HCFC1R1: variants seen among roughly 807,000 people sequenced by gnomAD.
The protein encoded by HCFC1R1 is host cell factor C1 regulator 1.
HCFC1R1 carries 17 observed loss-of-function variants against 13.3 expected under a neutral mutation model. The ratio of observed to expected loss-of-function variants is 1.28; its 90% CI spans 0.87 to 1.91. The LOEUF is 1.91. Ranked by LOEUF, HCFC1R1 falls within the 40% of genes most tolerant of loss-of-function variation. HCFC1R1 has a pLI of 0.00. For synonymous variants in HCFC1R1, 87 were observed against 71.1 expected, an observed-to-expected ratio of 1.22 and a Z score of -1.12; for missense variants, 218 against 177.9, an observed-to-expected ratio of 1.23 and a Z score of -1.28.
Position 3,022,827 on chromosome 16 carries a change from A to G in HCFC1R1, c.*36T>C. 6.8e-7 allele frequency: 1 copy of G among 1,462,168 alleles called. No individual in the cohort carries two copies. The highest frequency in any genetic ancestry group is 9.0e-7 in the Non-Finnish European group (1 of 1,112,644). The allele number at this position is 1,462,168 out of a possible 1,614,324, so 90.6% of individuals were successfully genotyped here. On this transcript the variant is annotated 3_prime_UTR_variant, in exon 4 of 4. Coordinates refer to ENST00000248089, the MANE Select transcript of HCFC1R1 (RefSeq NM_017885.4). ...GTCGCTGGTCTCTTCTGTTGTGGGG[A>G]AGAAGGAAGGTGGGAGGGGCACTGT...
upstream of HCFC1R1, chr16:3,023,985 G>T: frequency 7.1e-7 from 1 of 1,409,678 alleles, no homozygotes; most frequent in South Asian, 1.3e-5. Flanking sequence ...GACAGGGGAG[G>T]AGTCTCTGAG....
intron 2 of HCFC1R1, 29 bp from the exon 3 acceptor site, chr16:3,023,390 G>C: frequency 6.2e-7 from 1 of 1,613,230 alleles, no homozygotes; most frequent in Non-Finnish European, 8.5e-7. Context: ...GAGGCAGGCT[G>C]GGATACTGAC....
chr16:3,023,688 G>A, intron 1 of HCFC1R1, 158 bp from the exon 2 acceptor site: 1 of 1,074,852 alleles, frequency 9.3e-7, no homozygotes, highest in South Asian at 1.5e-5. Flanking sequence ...GGGTACCTCG[G>A]AAGTCTCGAC....
chr16:3,024,000 T>C (rs1596473916), upstream of HCFC1R1: 1 of 1,304,368 alleles, frequency 7.7e-7, no homozygotes, highest in Non-Finnish European at 1.1e-6. Context: ...TCTGAGGGCG[T>C]GGCCAAGAGA....
At chr16:3,024,042 C>A, upstream of HCFC1R1, 4 of 979,170 alleles carry the variant, frequency 4.1e-6, no homozygotes, top group Non-Finnish European at 5.9e-6. Context: ...GGCACAGCCG[C>A]GAGGTTCTGC....
In HCFC1R1 at chr16:3,022,955, G is replaced by A. The variant is rs374229363; in HGVS notation, c.325C>T (p.Leu109Phe). 6.3e-7 allele frequency: 1 copy of A among 1,587,414 alleles called. No individual in the cohort carries two copies. The highest frequency in any genetic ancestry group is 8.5e-7 in the Non-Finnish European group (1 of 1,172,246). Residue 109 changes from leucine to phenylalanine, a missense_variant, in exon 4 of 4, where the codon CTC becomes TTC. Physicochemically the swap from Leu to Phe is conservative, Grantham distance 22 (BLOSUM62 0). Transcript: ENST00000248089. ...ELLLWRYPGSLIPEALRLLRL... is the reference protein window; with the variant it reads ...ELLLWRYPGSFIPEALRLLRL... ...AGCAGACGGAGGGCCTCAGGGATGAGGCTGCCAGGATAGCGCCAGAGAAGC... is the reference window on the plus strand; with the variant it reads ...AGCAGACGGAGGGCCTCAGGGATGAAGCTGCCAGGATAGCGCCAGAGAAGC...
At position 3,023,687 on chromosome 16, in the gene HCFC1R1, G is replaced by C. The variant is rs998445479; in HGVS notation, c.96-157C>G. On this transcript the variant is annotated intron_variant, in intron 1 of 3. Transcript: ENST00000248089. ...CCTGGACCATCCAGCAGGGTACCTC[G>C]GAAGTCTCGACCCTCAGCCGCAGCC... 5 of 1,074,694 alleles carry C rather than the reference G, an allele frequency of 4.7e-6. No individual in the cohort carries two copies. In the African/African-American group the frequency reaches 7.9e-5, roughly 17 times the overall value. 66.6% of individuals were successfully genotyped at this position (1,074,694 alleles called of 1,614,324 possible). A position where few individuals can be genotyped will look rare whatever the true frequency, so the allele number is the denominator to read the frequency against.
In HCFC1R1 at chr16:3,022,910, T is replaced by C; in HGVS notation, c.370A>G (p.Ser124Gly). ...LRLLRLGDTP[S>G]PPYPATPAGD... ...GCTGGGGTTGCAGGGTAGGGGGGAC[T>C]GGGGGTGTCCCCCAGCCTCAGCAGA... The change falls in exon 4 of 4, where the codon AGT (serine) becomes GGT (glycine). Residue 124 changes from serine (S) to glycine (G), a missense_variant. Ser to Gly is a moderately conservative substitution (Grantham distance 56, BLOSUM62 0). Transcript: ENST00000248089. 6.5e-7 allele frequency: 1 copy of C among 1,536,082 alleles called. No individual in the cohort carries two copies. The highest frequency in any genetic ancestry group is 8.7e-7 in the Non-Finnish European group (1 of 1,148,658).
rs201494818 is a variant in HCFC1R1 at position 3,023,424 on chromosome 16, C to T, written c.152+50G>A. Reference sequence around the variant, plus strand: ...ACACAGGAGGCAGCCTGTTGGGGACCAGAGGTGACAGAGATCTTGTTGGGA... The same window carrying T: ...ACACAGGAGGCAGCCTGTTGGGGACTAGAGGTGACAGAGATCTTGTTGGGA... On this transcript the variant is annotated intron_variant, in intron 2 of 3. Transcript: ENST00000248089. 81 of 1,613,882 alleles carry T rather than the reference C, an allele frequency of 5.0e-5. No individual in the cohort carries two copies. In the Middle Eastern group the frequency reaches 1.2e-3, roughly 23 times the overall value.
upstream of HCFC1R1, chr16:3,024,004 CAA>C (rs954152007): frequency 2.5e-5 from 32 of 1,274,376 alleles, no homozygotes; most frequent in Non-Finnish European, 3.3e-5. Context: ...AGGGCGTGGC[CAA>C]GAGAGGATGG....
In HCFC1R1 at chr16:3,022,702, C is replaced by T; in HGVS notation, c.*161G>A. 1 of 516,582 alleles carries T rather than the reference C, an allele frequency of 1.9e-6. No homozygotes were observed. The highest frequency in any genetic ancestry group is 3.2e-6 in the Non-Finnish European group (1 of 308,002). The allele number at this position is 516,582 out of a possible 1,614,324, so 32.0% of individuals were successfully genotyped here. A position where few individuals can be genotyped will look rare whatever the true frequency, so the allele number is the denominator to read the frequency against. ...CTTCCCATGCTCCCACCCCTCCCAT[C>T]CCAGAACTCCGTTGGGCTCAGTGTC... is the stretch of plus-strand genomic sequence containing the variant. On this transcript the variant is annotated 3_prime_UTR_variant, in exon 4 of 4. Transcript: ENST00000248089.
In HCFC1R1 at chr16:3,022,879, TC is replaced by T; in HGVS notation, c.400del (p.Asp134ThrfsTer2). 1 of 1,521,362 alleles carries T rather than the reference TC, an allele frequency of 6.6e-7. No homozygotes were observed. Among genetic ancestry groups the T allele is most frequent in the Non-Finnish European group, 8.7e-7 (1 of 1,145,818 alleles). 94.2% of individuals were successfully genotyped at this position (1,521,362 alleles called of 1,614,324 possible). A position where few individuals can be genotyped will look rare whatever the true frequency, so the allele number is the denominator to read the frequency against. On this transcript the variant is annotated frameshift_variant, in exon 4 of 4. Coordinates refer to ENST00000248089, the MANE Select transcript of HCFC1R1 (RefSeq NM_017885.4). LOFTEE classifies it high-confidence loss of function. ...CACCAGCACTCAGAGCTCCATTATGTCCCCAGCTGGGGTTGCAGGGTAGGGG... is the reference window on the plus strand; with the variant it reads ...CACCAGCACTCAGAGCTCCATTATGTCCCAGCTGGGGTTGCAGGGTAGGGG... ...SPPYPATPAG[D>X]IMEL
chr16:3,022,762 T>A lies in HCFC1R1; in HGVS notation c.*101A>T, dbSNP rs2072637799. 9.0e-6 allele frequency: 10 copies of A among 1,108,888 alleles called. No homozygotes were observed. The highest frequency in any genetic ancestry group is 1.1e-5 in the Non-Finnish European group (9 of 823,994). The allele number at this position is 1,108,888 out of a possible 1,614,324, so 68.7% of individuals were successfully genotyped here. Reference sequence around the variant, plus strand: ...GGGAAGGTCTTGGTGCCCAGATGCCTACTCTGCAGGAGAGGGAGGAACCTT... The same window carrying A: ...GGGAAGGTCTTGGTGCCCAGATGCCAACTCTGCAGGAGAGGGAGGAACCTT... On this transcript the variant is annotated 3_prime_UTR_variant, in exon 4 of 4. Coordinates refer to ENST00000248089, the MANE Select transcript of HCFC1R1 (RefSeq NM_017885.4).
Position 3,023,854 on chromosome 16 carries a change from C to T in HCFC1R1, c.88G>A (p.Asp30Asn). The T allele has an allele frequency of 2.6e-6, 4 of 1,544,732 alleles. No homozygotes were observed. The highest frequency in any genetic ancestry group is 3.5e-6 in the Non-Finnish European group (4 of 1,150,600). The change falls in exon 1 of 4, where the codon GAC becomes AAC. Residue 30 changes from aspartate to asparagine, a missense_variant. Physicochemically the swap from Asp to Asn is conservative, Grantham distance 23. Transcript: ENST00000248089. ...CTGGTCCCCTACACGCACCTGGCGTCCAGGCCCCAAGTCACCCCCAAGGCG... is the reference window on the plus strand; with the variant it reads ...CTGGTCCCCTACACGCACCTGGCGTTCAGGCCCCAAGTCACCCCCAAGGCG... ...RAALGVTWGL[D>N]ASSPLRGAVP...
chr16:3,024,162 G>T (rs2072715570), upstream of HCFC1R1: 7 of 806,382 alleles, frequency 8.7e-6, no homozygotes, highest in East Asian at 1.9e-4. Flanking sequence ...TTAATGTCGG[G>T]GGTCTTCGCG....
Position 3,023,896 on chromosome 16 carries a change from G to T in HCFC1R1, c.46C>A (p.Gln16Lys). 6.4e-7 allele frequency: 1 copy of T among 1,557,858 alleles called. No homozygotes were observed. The highest frequency in any genetic ancestry group is 8.7e-7 in the Non-Finnish European group (1 of 1,155,490). Residue 16 changes from glutamine to lysine, a missense_variant, in exon 1 of 4, where the codon CAG becomes AAG. Coordinates refer to ENST00000248089, the MANE Select transcript of HCFC1R1 (RefSeq NM_017885.4). Reference protein sequence around the residue: ...PLQRGPQGGAQRLPRAALGVT... With the variant: ...PLQRGPQGGAKRLPRAALGVT... ...CCCAAGGCGGCCCGCGGGAGGCGCT[G>T]GGCCCCTCCCTGGGGGCCTCGCTGC...
chr16:3,022,822 T>TG lies in HCFC1R1; in HGVS notation c.*40dup, dbSNP rs1315276622. On this transcript the variant is annotated 3_prime_UTR_variant, in exon 4 of 4. Coordinates refer to ENST00000248089, the MANE Select transcript of HCFC1R1 (RefSeq NM_017885.4). ...CGGGAGTCGCTGGTCTCTTCTGTTG[T>TG]GGGGAAGAAGGAAGGTGGGAGGGGC... The TG allele has an allele frequency of 1.2e-5, 18 of 1,459,322 alleles. No individual in the cohort carries two copies. Among genetic ancestry groups the TG allele is most frequent in the Non-Finnish European group, 1.6e-5 (18 of 1,110,502 alleles). 90.4% of individuals were successfully genotyped at this position (1,459,322 alleles called of 1,614,324 possible). A position where few individuals can be genotyped will look rare whatever the true frequency, so the allele number is the denominator to read the frequency against.
rs1465231444 is a variant in HCFC1R1, at chr16:3,023,462, C to A, written c.152+12G>T. On this transcript the variant is annotated intron_variant, in intron 2 of 3. Transcript: ENST00000248089. ...GATCTTGTTGGGAGTCCCTCCCTGC[C>A]CCCAAACTCACTGCTCCTCCTCCAG... is the stretch of plus-strand genomic sequence containing the variant. 6.2e-7 allele frequency: 1 copy of A among 1,613,322 alleles called. No individual in the cohort carries two copies. Among genetic ancestry groups the A allele is most frequent in the East Asian group, 2.2e-5 (1 of 44,860 alleles).
chr16:3,023,228 C>G lies in HCFC1R1; in HGVS notation c.281+5G>C. 1 of 1,547,542 alleles carries G rather than the reference C, an allele frequency of 6.5e-7. No homozygotes were observed. The highest frequency in any genetic ancestry group is 8.7e-7 in the Non-Finnish European group (1 of 1,147,206). On this transcript the variant is annotated splice_donor_5th_base_variant and intron_variant, in intron 3 of 3. Transcript: ENST00000248089. ...GCAGAAGGCCTGGCCAGTGGAGGAA[C>G]CTACCTGAGTGGGGGCAGGGCTGGG...
Sources: gnomAD v4.1 joint callset for allele counts on GRCh38, gnomAD v4.1.1 for gene constraint, MANE v1.5 for transcripts, NCBI Gene and HGNC (gene_info 2026-07-23, HGNC 2026-07-21) for gene names.